The following FABP7 variants were observed in gnomAD, a reference collection of about 807,000 sequenced individuals.
FABP7 encodes fatty acid-binding protein, brain.
FABP7 carries 13 observed loss-of-function variants against 14.2 expected under a neutral mutation model. The observed-to-expected ratio is 0.91, with a 90% CI of 0.59 to 1.45. The LOEUF (loss-of-function observed/expected upper bound fraction) is 1.45. Ranked by LOEUF, FABP7 falls within the 40% of genes most tolerant of loss-of-function variation. FABP7 has a pLI of 0.00. For missense variants in FABP7, 149 were observed against 157.6 expected (o/e 0.95, Z 0.29); for synonymous variants, 49 against 51.4 (o/e 0.95, Z 0.20).
At chr6:122,770,948 A>G in the FABP7 span, among the ~76,000 whole-genome samples, 3 of 152,200 alleles carry the variant, frequency 2.0e-5, no homozygotes, top group African/African-American at 7.2e-5. Flanking sequence ...GGTTTTGCCT[A>G]TTGCATAACT....
chr6:122,781,158 T>C lies in FABP7; in HGVS notation c.312T>C (p.Asn104=), dbSNP rs1780772817. Residue 104 remains asparagine (N), a synonymous_variant, in exon 3 of 4, where the codon AAT becomes AAC. Transcript: ENST00000368444. The part of the protein sequence containing the change: ...HIQKWDGKET[N]FVREIKDGKM... ...AGAAATGGGATGGCAAAGAAACAAA[T>C]TTTGTAAGAGAAATTAAGGATGGCA... 6.2e-7 allele frequency: 1 copy of C among 1,614,070 alleles called. No homozygotes were observed. The highest frequency in any genetic ancestry group is 1.3e-5 in the African/African-American group (1 of 75,040).
the FABP7 span, among the ~76,000 whole-genome samples, chr6:122,758,105 C>CTTTTTTT: frequency 1.4e-4 from 16 of 118,350 alleles, no homozygotes; most frequent in Non-Finnish European, 1.7e-4. Context: ...TATTATCTAG[C>CTTTTTTT]TTTTTTTTTT....
At chr6:122,780,203 G>C (rs2171068) in intron 1 of FABP7, 88 bp from the exon 2 acceptor site, 1,358,002 of 1,372,816 alleles carry the variant, frequency 0.99, 672,269 homozygotes, top group East Asian at 1. Flanking sequence ...ACTTTAGAAC[G>C]TGGATTCCAG....
At chr6:122,783,154 G>A (rs1780836534) in intron 3 of FABP7, 2 of 985,292 alleles carry the variant, frequency 2.0e-6, no homozygotes, top group Non-Finnish European at 2.4e-6. Context: ...TGACATTAGA[G>A]TAATAGAGCT....
chr6:122,761,844 C>A, the FABP7 span, among the ~76,000 whole-genome samples: 38 of 152,196 alleles, frequency 2.5e-4, 1 homozygote, highest in South Asian at 7.5e-3. Flanking sequence ...TAACTCAATT[C>A]TTTTCTGTTT....
At chr6:122,776,308 TGGTA>T, upstream of FABP7, among the ~76,000 whole-genome samples, 1 of 152,260 alleles carries the variant, frequency 6.6e-6, no homozygotes, top group African/African-American at 2.4e-5. Flanking sequence ...AAAGAAAATG[TGGTA>T]TGTATACATA....
At chr6:122,769,754 G>A in the FABP7 span, among the ~76,000 whole-genome samples, 1 of 152,130 alleles carries the variant, frequency 6.6e-6, no homozygotes, top group Non-Finnish European at 1.5e-5. Context: ...GAGTACAAAC[G>A]TTTGTAATGT....
At chr6:122,762,090 AAG>A in the FABP7 span, among the ~76,000 whole-genome samples, 2 of 152,218 alleles carry the variant, frequency 1.3e-5, no homozygotes, top group Non-Finnish European at 2.9e-5. Flanking sequence ...ACAACAAAAA[AAG>A]AGAATTTTAG....
At chr6:122,749,652 T>C in the FABP7 span, among the ~76,000 whole-genome samples, 3 of 152,310 alleles carry the variant, frequency 2.0e-5, no homozygotes, top group East Asian at 5.8e-4. Context: ...GGCAGCTGTA[T>C]TTAAATGCCA....
At chr6:122,751,335 C>G in the FABP7 span, among the ~76,000 whole-genome samples, 6 of 152,138 alleles carry the variant, frequency 3.9e-5, no homozygotes, top group Admixed American at 6.5e-5. Context: ...TAAATGTGTG[C>G]TTCTATTCTT....
At chr6:122,770,603 A>C in the FABP7 span, among the ~76,000 whole-genome samples, 3 of 152,136 alleles carry the variant, frequency 2.0e-5, no homozygotes, top group South Asian at 6.2e-4. Flanking sequence ...ATAGGATTTC[A>C]ACTTAAGATT....
chr6:122,781,361 A>G (rs761316883), intron 3 of FABP7, 167 bp downstream of exon 3: 85 of 1,465,280 alleles, frequency 5.8e-5, no homozygotes, highest in Non-Finnish European at 7.6e-5. Flanking sequence ...AGGGGAAACA[A>G]AAAGATCCCA....
upstream of FABP7, chr6:122,779,490 G>T: frequency 5.0e-6 from 2 of 397,442 alleles, no homozygotes; most frequent in South Asian, 7.4e-5. Context: ...CAGGCATAAG[G>T]GCTGTAGTGT....
At chr6:122,753,992 G>A in the FABP7 span, among the ~76,000 whole-genome samples, 1 of 151,990 alleles carries the variant, frequency 6.6e-6, no homozygotes, top group South Asian at 2.1e-4. Flanking sequence ...AAGGTCAAAG[G>A]GAGAAGCCTC....
chr6:122,763,586 A>C, the FABP7 span, among the ~76,000 whole-genome samples: 3 of 152,212 alleles, frequency 2.0e-5, no homozygotes, highest in African/African-American at 7.2e-5. Context: ...AGAAACTACC[A>C]TCAGAGTGAA....
the FABP7 span, among the ~76,000 whole-genome samples, chr6:122,774,527 A>T: frequency 6.6e-6 from 1 of 152,134 alleles, no homozygotes; most frequent in East Asian, 1.9e-4. Flanking sequence ...CTACTATTTG[A>T]AAGCAACCAT....
chr6:122,770,776 TCTTTA>T, the FABP7 span, among the ~76,000 whole-genome samples: 1 of 152,186 alleles, frequency 6.6e-6, no homozygotes, highest in Non-Finnish European at 1.5e-5. Flanking sequence ...ACGATCTCTG[TCTTTA>T]CTTTATTCTC....
the FABP7 span, among the ~76,000 whole-genome samples, chr6:122,761,344 T>C: frequency 6.6e-6 from 1 of 152,150 alleles, no homozygotes. Context: ...TGATCCAGAG[T>C]AACACTGTGA....
chr6:122,779,138 C>T (rs1190860524), upstream of FABP7, among the ~76,000 whole-genome samples: 1 of 152,068 alleles, frequency 6.6e-6, no homozygotes, highest in African/African-American at 2.4e-5. Flanking sequence ...GCAGTATATC[C>T]AGGGAAGGCA....
Sources: gnomAD v4.1 joint callset for allele counts (sites outside exome capture counted in the v4.1 genomes callset) on GRCh38, gnomAD v4.1.1 for gene constraint, MANE v1.5 for transcripts, NCBI Gene and HGNC (gene_info 2026-07-23, HGNC 2026-07-21) for gene names.